TMEM8B: variants seen among roughly 807,000 people sequenced by gnomAD.
TMEM8B encodes transmembrane protein 8B.
In TMEM8B, 29 loss-of-function variants were observed where a neutral mutation model predicts 49.3. That is an observed-to-expected ratio of 0.59 (90% CI 0.44 to 0.80). TMEM8B has a LOEUF of 0.80. Ranked by LOEUF, TMEM8B falls within the 30% of genes least tolerant of loss-of-function variation. The pLI, the probability that TMEM8B is intolerant of heterozygous loss-of-function variation, is 0.00. For synonymous variants in TMEM8B, 264 were observed against 272.8 expected, an observed-to-expected ratio of 0.97 and a Z score of 0.32; for missense variants, 575 against 658.5, an observed-to-expected ratio of 0.87 and a Z score of 1.39.
intron 2 of TMEM8B, 92 bp downstream of exon 2, chr9:35,834,742 C>T: frequency 2.4e-6 from 1 of 412,810 alleles, no homozygotes; most frequent in Non-Finnish European, 4.4e-6. Flanking sequence ...CCGACCCTGA[C>T]CCCAACCCGC....
Position 35,857,781 on chromosome 9 carries a change from T to A in TMEM8B, c.*3941T>A, listed in dbSNP as rs1832577284. 6.6e-6 allele frequency: 1 copy of A among 152,256 alleles called. No individual in the cohort carries two copies. The highest frequency in any genetic ancestry group is 2.1e-4 in the South Asian group (1 of 4,834). 9.4% of individuals were successfully genotyped at this position (152,256 alleles called of 1,614,324 possible). On this transcript the variant is annotated 3_prime_UTR_variant, in exon 13 of 13. Coordinates refer to ENST00000643932, the MANE Select transcript of TMEM8B (RefSeq NM_001042590.4). Reference sequence around the variant, plus strand: ...AAACTGTTACTTCTGCATTTGGTGTTGGGCCTGAAGCTGTTACAGCTCAGC... The same window carrying A: ...AAACTGTTACTTCTGCATTTGGTGTAGGGCCTGAAGCTGTTACAGCTCAGC...
At position 35,853,696 on chromosome 9, in the gene TMEM8B, G is replaced by C. The variant is rs1222343430; in HGVS notation, c.2631G>C (p.Leu877=). The change falls in exon 13 of 13, where the codon CTG becomes CTC. Residue 877 remains leucine, a synonymous_variant. Coordinates refer to ENST00000643932, the MANE Select transcript of TMEM8B (RefSeq NM_001042590.4). The surrounding 1 kb of genome is among the most constrained non-coding windows in gnomAD (Gnocchi z 4.2). ...TTGCGGGCAGTGTGGGCTTCCTGCTGCCCCCTCGTGCCAAGACTGACCACG... is the reference window on the plus strand; with the variant it reads ...TTGCGGGCAGTGTGGGCTTCCTGCTCCCCCCTCGTGCCAAGACTGACCACG... ...MLIAGSVGFL[L]PPRAKTDHGV... The C allele has an allele frequency of 6.2e-7, 1 of 1,614,154 alleles. No individual in the cohort carries two copies. Among genetic ancestry groups the C allele is most frequent in the African/African-American group, 1.3e-5 (1 of 75,046 alleles).
chr9:35,846,059 T>C lies in TMEM8B; in HGVS notation c.1720T>C (p.Cys574Arg), dbSNP rs774561280. 6.2e-7 allele frequency: 1 copy of C among 1,611,024 alleles called. No homozygotes were observed. Among genetic ancestry groups the C allele is most frequent in the Admixed American group, 1.7e-5 (1 of 59,696 alleles). Residue 574 changes from cysteine (C) to arginine (R), a missense_variant, in exon 7 of 13, where the codon TGT becomes CGT. Cys to Arg is a radical substitution (Grantham distance 180). Transcript: ENST00000643932. ...GAGCCTGGGGGATGCAGCAGTGACC[T>C]GTTCCAAAGGTGAGGTGAGGAATGG... ...PLSLGDAAVT[C>R]SKESLAGFLL... is the part of the protein sequence containing the mutation.
intron 2 of TMEM8B, 67 bp from the exon 3 acceptor site, chr9:35,834,944 C>T: frequency 2.4e-6 from 1 of 415,378 alleles, no homozygotes; most frequent in East Asian, 3.6e-5. Flanking sequence ...TCTTTTCTTT[C>T]TTTCTTTCAT....
intron 10 of TMEM8B, among the ~76,000 whole-genome samples, chr9:35,850,279 C>T (rs907846644): frequency 6.6e-6 from 1 of 152,196 alleles, no homozygotes; most frequent in African/African-American, 2.4e-5. Flanking sequence ...GATAATTTCC[C>T]TACATTGCTT....
At chr9:35,834,031 T>TAC (rs377460934) in intron 1 of TMEM8B, among the ~76,000 whole-genome samples, 37,134 of 138,064 alleles carry the variant, frequency 0.27, 4,907 homozygotes, top group Admixed American at 0.3. Context: ...CATGCCAAAA[T>TAC]ACACACACAC....
In TMEM8B at chr9:35,860,350, G is replaced by GT. The variant is rs1564056320; in HGVS notation, c.*6511dup. 2.0e-5 allele frequency: 3 copies of GT among 152,234 alleles called. No individual in the cohort carries two copies. The allele number at this position is 152,234 out of a possible 1,614,324, so 9.4% of individuals were successfully genotyped here. ...CATCTTTTCTACATTACGGTTTCAT[G>GT]TGACCAAATTATGGCCATAGTATTT... On this transcript the variant is annotated 3_prime_UTR_variant, in exon 13 of 13. Transcript: ENST00000643932.
chr9:35,836,036 G>T (rs761450337), intron 3 of TMEM8B, among the ~76,000 whole-genome samples: 1 of 152,212 alleles, frequency 6.6e-6, no homozygotes, highest in African/African-American at 2.4e-5. Context: ...GGCCTGTGGT[G>T]AGGGTGAAGA....
chr9:35,834,109 A>C (rs1396682870), intron 1 of TMEM8B, among the ~76,000 whole-genome samples: 1 of 151,538 alleles, frequency 6.6e-6, no homozygotes, highest in Non-Finnish European at 1.5e-5. Context: ...TGGTAAGTGG[A>C]GAAAATGGCT....
rs753862942 is a variant in TMEM8B at position 35,846,953 on chromosome 9, G to T, written c.2133G>T (p.Val711=). The T allele has an allele frequency of 3.1e-6, 5 of 1,614,242 alleles. No homozygotes were observed. The South Asian group carries it at 5.5e-5, about 18-fold the overall frequency. Residue 711 remains valine (V), a synonymous_variant, in exon 10 of 13, where the codon GTG becomes GTT. Transcript: ENST00000643932. ...PVVLAIRSRY[V]LEAAVYTFTM... ...TCCTGGCCATTCGGAGTCGATATGT[G>T]CTGGAAGCTGCAGTCTACACCTTCA... is the stretch of plus-strand genomic sequence containing the variant.
chr9:35,832,168 GGTGT>G lies in TMEM8B; in HGVS notation c.508+2242_508+2245del, dbSNP rs34044138. The stretch of plus-strand genomic sequence containing the variant: ...CTCAGCCTATGTGTGTAGGTGTAGG[GGTGT>G]GTGTGTGTGTGTGTGTGTGTGTGTG... On this transcript the variant is annotated intron_variant, in intron 1 of 12. Coordinates refer to ENST00000643932, the MANE Select transcript of TMEM8B (RefSeq NM_001042590.4). Among the ~76,000 whole-genome samples, 1,390 of 146,828 alleles carry G rather than the reference GGTGT, an allele frequency of 9.5e-3. 11 individuals carry two copies. Among genetic ancestry groups the G allele is most frequent in the African/African-American group, 0.022 (870 of 39,724 alleles).
At chr9:35,834,105 G>A (rs1830202017) in intron 1 of TMEM8B, among the ~76,000 whole-genome samples, 1 of 151,486 alleles carries the variant, frequency 6.6e-6, no homozygotes, top group South Asian at 2.1e-4. Context: ...GGTTTGGTAA[G>A]TGGAGAAAAT....
chr9:35,857,018 C>T lies in TMEM8B; in HGVS notation c.*3178C>T, dbSNP rs1832562718. 2 of 152,240 alleles carry T rather than the reference C, an allele frequency of 1.3e-5. No individual in the cohort carries two copies. The highest frequency in any genetic ancestry group is 4.8e-5 in the African/African-American group (2 of 41,450). The allele number at this position is 152,240 out of a possible 1,614,324, so 9.4% of individuals were successfully genotyped here. On this transcript the variant is annotated 3_prime_UTR_variant, in exon 13 of 13. Transcript: ENST00000643932. ...GGGAGATCCCAAGATTCAAACAGCC[C>T]TTCCTTGCCTTGAATACAGGGCTGT...
In TMEM8B at chr9:35,829,295, C is replaced by A; in HGVS notation, c.-153C>A. On this transcript the variant is annotated 5_prime_UTR_variant, in exon 1 of 13. Coordinates refer to ENST00000643932, the MANE Select transcript of TMEM8B (RefSeq NM_001042590.4). ...TCGCCGGTTCAGCGCAGCCCGGAGTCGCCCAGGCCTGAACTCCTACCCAGG... is the reference window on the plus strand; with the variant it reads ...TCGCCGGTTCAGCGCAGCCCGGAGTAGCCCAGGCCTGAACTCCTACCCAGG... 1 of 364,478 alleles carries A rather than the reference C, an allele frequency of 2.7e-6. No individual in the cohort carries two copies. The highest frequency in any genetic ancestry group is 4.9e-6 in the Non-Finnish European group (1 of 203,532). The allele number at this position is 364,478 out of a possible 1,614,324, so 22.6% of individuals were successfully genotyped here. A position where few individuals can be genotyped will look rare whatever the true frequency, so the allele number is the denominator to read the frequency against.
At chr9:35,847,269 G>T (rs1276028450) in intron 10 of TMEM8B, 5 of 914,564 alleles carry the variant, frequency 5.5e-6, no homozygotes, top group Non-Finnish European at 8.7e-6. Context: ...TGAGGGCTGA[G>T]GGGACCTTTA....
At chr9:35,848,679 T>C (rs1170967694) in intron 10 of TMEM8B, among the ~76,000 whole-genome samples, 18 of 149,438 alleles carry the variant, frequency 1.2e-4, no homozygotes, top group African/African-American at 3.9e-4. Context: ...TTTTTTCTTT[T>C]TTTTTTTTTT....
rs770509336 is a variant in TMEM8B at position 35,842,570 on chromosome 9, C to G, written c.1488C>G (p.Asn496Lys). 1.2e-6 allele frequency: 2 copies of G among 1,614,232 alleles called. No individual in the cohort carries two copies. Among genetic ancestry groups the G allele is most frequent in the Admixed American group, 3.3e-5 (2 of 60,038 alleles). Residue 496 changes from asparagine to lysine, a missense_variant, in exon 6 of 13, where the codon AAC becomes AAG. Physicochemically the swap from Asn to Lys is moderately conservative, Grantham distance 94. Transcript: ENST00000643932. This position sits in a 1 kb window ranked among gnomAD's most constrained non-coding sequence, Gnocchi z 5.6. ...HCWPVRPTLRNELDTFSVHFY... is the reference protein window; with the variant it reads ...HCWPVRPTLRKELDTFSVHFY... Reference sequence around the variant, plus strand: ...GGCCAGTGCGCCCGACTCTGCGCAACGAGCTGGACACCTTCTCTGTCCACT... The same window carrying G: ...GGCCAGTGCGCCCGACTCTGCGCAAGGAGCTGGACACCTTCTCTGTCCACT...
intron 10 of TMEM8B, among the ~76,000 whole-genome samples, chr9:35,850,254 A>C (rs1458216903): frequency 6.6e-6 from 1 of 152,232 alleles, no homozygotes; most frequent in Non-Finnish European, 1.5e-5. Flanking sequence ...ATTCCACAGA[A>C]AAAAAACCTT....
chr9:35,846,415 C>A (rs371731130), intron 8 of TMEM8B, 34 bp downstream of exon 8: 826 of 1,600,856 alleles, frequency 5.2e-4, no homozygotes, highest in Non-Finnish European at 6.5e-4. Context: ...GGGCTGGGAC[C>A]GGGACTTGGC....
Sources: allele counts gnomAD v4.1 joint callset (sites outside exome capture counted in the v4.1 genomes callset), GRCh38; gene constraint gnomAD v4.1.1; non-coding constraint Gnocchi (gnomAD v3.1); transcripts MANE v1.5; gene names NCBI Gene and HGNC (gene_info 2026-07-23, HGNC 2026-07-21).